CSMD2: variants seen among roughly 807,000 people sequenced by gnomAD.
CSMD2 encodes the protein CUB and sushi domain-containing protein 2.
CSMD2 carries 130 observed loss-of-function variants against 398.5 expected under a neutral mutation model. The ratio of observed to expected loss-of-function variants is 0.33; its 90% confidence interval spans 0.28 to 0.38. The LOEUF is 0.38. Among genes scored for constraint, CSMD2 ranks in the 10% least tolerant of loss-of-function variants. The pLI, the probability that CSMD2 is intolerant of heterozygous loss-of-function variation, is 1.00. For synonymous variants in CSMD2, 1,828 were observed against 1,908.5 expected (o/e 0.96, Z 1.10); for missense variants, 3,829 against 4,764.9 (o/e 0.80, Z 5.78).
chr1:34,039,831 G>A (rs1318398462), intron 2 of CSMD2, among the ~76,000 whole-genome samples: 1 of 152,124 alleles, frequency 6.6e-6, no homozygotes, highest in African/African-American at 2.4e-5. Flanking sequence ...AGGGCAGGGG[G>A]ATAGTAGATA....
At chr1:33,758,109 C>CT (rs966566722) in intron 13 of CSMD2, among the ~76,000 whole-genome samples, 34 of 152,312 alleles carry the variant, frequency 2.2e-4, no homozygotes, top group Non-Finnish European at 4.1e-4. Context: ...CCTTGCCAAT[C>CT]TTTTTTATTT....
intron 4 of CSMD2, among the ~76,000 whole-genome samples, chr1:33,929,431 A>ATTTTTTTTTTTTTTTTTT (rs1243627294): frequency 1.1e-5 from 1 of 94,018 alleles, no homozygotes; most frequent in African/African-American, 5.4e-5. Context: ...CCAAGCCTAT[A>ATTTTTTTTTTTTTTTTTT]CTTTTTTTTT....
intron 13 of CSMD2, among the ~76,000 whole-genome samples, chr1:33,748,469 T>A (rs538854): frequency 1.1e-4 from 16 of 152,194 alleles, no homozygotes; most frequent in African/African-American, 3.9e-4. Flanking sequence ...GGTGGGAAAC[T>A]TATTAACAGG....
At chr1:34,068,797 A>G (rs1655398870) in intron 2 of CSMD2, among the ~76,000 whole-genome samples, 1 of 152,158 alleles carries the variant, frequency 6.6e-6, no homozygotes, top group South Asian at 2.1e-4. Context: ...CTGTTCTCAT[A>G]ATAGTGAATG....
chr1:33,875,195 T>A lies in CSMD2; in HGVS notation c.921-28199A>T, dbSNP rs572125247. Among the ~76,000 whole-genome samples, 138 of 152,186 alleles carry A rather than the reference T, an allele frequency of 9.1e-4. 1 individual carries two copies. The highest frequency in any genetic ancestry group is 3.4e-3 in the Middle Eastern group (1 of 294). ...CATGGGCAAAACAGATTTTTCTAGGTTTGAGGTCTGCAGTGTGAAGATCTG... is the reference window on the plus strand; with the variant it reads ...CATGGGCAAAACAGATTTTTCTAGGATTGAGGTCTGCAGTGTGAAGATCTG... On this transcript the variant is annotated intron_variant, in intron 5 of 70. Transcript: ENST00000373381.
chr1:33,596,942 T>C (rs1639880060), intron 44 of CSMD2, among the ~76,000 whole-genome samples: 1 of 152,200 alleles, frequency 6.6e-6, no homozygotes, highest in Non-Finnish European at 1.5e-5. Context: ...TTTCTTTTCA[T>C]TTGTGTGCTG....
At position 33,756,425 on chromosome 1, in the gene CSMD2, C is replaced by T. The variant is rs1300972038; in HGVS notation, c.1847-12819G>A. 5.9e-5 allele frequency among the ~76,000 whole-genome samples: 9 copies of T among 151,846 alleles called. No individual in the cohort carries two copies. The South Asian group carries it at 1.0e-3, about 18-fold the overall frequency. On this transcript the variant is annotated intron_variant, in intron 13 of 70. Coordinates refer to ENST00000373381, the MANE Select transcript of CSMD2 (RefSeq NM_001281956.2). ...CTGAAGTTTACATTCTAAGAGGTGACGAAAAAAGGAATGAATGGCATAGAG... is the reference window on the plus strand; with the variant it reads ...CTGAAGTTTACATTCTAAGAGGTGATGAAAAAAGGAATGAATGGCATAGAG...
At chr1:33,565,386 A>C (rs1454555642) in intron 53 of CSMD2, among the ~76,000 whole-genome samples, 1 of 152,170 alleles carries the variant, frequency 6.6e-6, no homozygotes, top group East Asian at 1.9e-4. Flanking sequence ...TCTGCAAGAC[A>C]AAAGAAAAAC....
intron 2 of CSMD2, among the ~76,000 whole-genome samples, chr1:34,077,317 C>A (rs528468357): frequency 6.7e-6 from 1 of 149,682 alleles, no homozygotes. Flanking sequence ...ATTAGCCGGG[C>A]GCGGTGGCGG....
In CSMD2 at chr1:33,700,763, G is replaced by C. The variant is rs185994883; in HGVS notation, c.3577-90C>G. The C allele has an allele frequency of 2.0e-4, 252 of 1,255,600 alleles. 1 individual carries two copies. The African/African-American group carries it at 3.5e-3, about 17-fold the overall frequency. 77.8% of individuals were successfully genotyped at this position (1,255,600 alleles called of 1,614,324 possible). On this transcript the variant is annotated intron_variant, in intron 22 of 70. Coordinates refer to ENST00000373381, the MANE Select transcript of CSMD2 (RefSeq NM_001281956.2). ...TTACCCCACAACCCACACTCCTGGA[G>C]TTTAGCACTGGTAACAACTATCAGA...
intron 5 of CSMD2, among the ~76,000 whole-genome samples, chr1:33,914,853 G>C (rs1349691155): frequency 6.6e-6 from 1 of 152,166 alleles, no homozygotes; most frequent in Non-Finnish European, 1.5e-5. Flanking sequence ...GCTTTGAATT[G>C]TCCTTTGTTT....
At chr1:33,859,625 C>T (rs537883262) in intron 5 of CSMD2, among the ~76,000 whole-genome samples, 6 of 152,342 alleles carry the variant, frequency 3.9e-5, no homozygotes, top group African/African-American at 1.2e-4. Flanking sequence ...CTTGCAGATG[C>T]CTTGTTCAGA....
chr1:33,649,379 C>T (rs555295119), intron 28 of CSMD2, among the ~76,000 whole-genome samples: 1 of 152,316 alleles, frequency 6.6e-6, no homozygotes, highest in South Asian at 2.1e-4. Context: ...CACAGTGGCT[C>T]ATGTCTGTAA....
intron 23 of CSMD2, among the ~76,000 whole-genome samples, chr1:33,699,321 T>A (rs1007032917): frequency 3.9e-5 from 6 of 152,236 alleles, no homozygotes; most frequent in Non-Finnish European, 7.3e-5. Context: ...GTTTAAAAGC[T>A]GAGTTATGAC....
chr1:33,605,198 C>A, intron 42 of CSMD2, 84 bp downstream of exon 42: 1 of 1,295,374 alleles, frequency 7.7e-7, no homozygotes, highest in Non-Finnish European at 1.1e-6. Flanking sequence ...TCCCACAGAG[C>A]AGGTAGGTGG....
chr1:33,934,836 A>G (rs1400853445), intron 4 of CSMD2, among the ~76,000 whole-genome samples: 1 of 109,402 alleles, frequency 9.1e-6, no homozygotes, highest in African/African-American at 5.8e-5. Context: ...TCTCCATGAA[A>G]AAAAAAAAAA....
intron 10 of CSMD2, among the ~76,000 whole-genome samples, chr1:33,800,806 C>T (rs1655507940): frequency 6.6e-6 from 1 of 152,094 alleles, no homozygotes. Flanking sequence ...TTCGAGACAG[C>T]TGTAAAAGGG....
intron 37 of CSMD2, among the ~76,000 whole-genome samples, chr1:33,619,657 C>T (rs1449280928): frequency 6.6e-6 from 1 of 152,160 alleles, no homozygotes; most frequent in African/African-American, 2.4e-5. Flanking sequence ...CCTGTCAAAA[C>T]CACAGAACGT....
chr1:33,949,046 G>A (rs868257556), intron 3 of CSMD2, among the ~76,000 whole-genome samples: 3 of 152,150 alleles, frequency 2.0e-5, no homozygotes, highest in African/African-American at 7.2e-5. Flanking sequence ...GCTGTACTCT[G>A]GGTTCATGGT....
Sources: gnomAD v4.1 joint callset for allele counts (sites outside exome capture counted in the v4.1 genomes callset) on GRCh38, gnomAD v4.1.1 for gene constraint, MANE v1.5 for transcripts, NCBI Gene and HGNC (gene_info 2026-07-23, HGNC 2026-07-21) for gene names.